NALF1: variants seen among roughly 807,000 people sequenced by gnomAD.
NALF1 encodes the protein family with sequence similarity 155 member A.
Under a neutral mutation model 48.4 loss-of-function variants are expected in NALF1, and 3 were observed. That is an observed-to-expected ratio of 0.06 (90% CI 0.03 to 0.16). NALF1 has a LOEUF of 0.16. NALF1 is among the 10% of genes least tolerant of loss of function. NALF1 has a pLI of 1.00. For synonymous variants in NALF1, 262 were observed against 245.7 expected, an observed-to-expected ratio of 1.07 and a Z score of -0.62; for missense variants, 526 against 571.5, an observed-to-expected ratio of 0.92 and a Z score of 0.81.
chr13:107,805,286 T>C (rs903014243), intron 1 of NALF1, among the ~76,000 whole-genome samples: 4 of 152,202 alleles, frequency 2.6e-5, no homozygotes, highest in Non-Finnish European at 4.4e-5. Flanking sequence ...ACAGATGATA[T>C]GCAGTCTCCT....
At chr13:107,701,010 A>G (rs2138511494) in intron 1 of NALF1, among the ~76,000 whole-genome samples, 1 of 152,326 alleles carries the variant, frequency 6.6e-6, no homozygotes, top group South Asian at 2.1e-4. Flanking sequence ...TACAGAGAAA[A>G]GAGAACCCCA....
At chr13:107,677,601 G>T (rs1295122817) in intron 1 of NALF1, among the ~76,000 whole-genome samples, 1 of 152,096 alleles carries the variant, frequency 6.6e-6, no homozygotes, top group African/African-American at 2.4e-5. Flanking sequence ...TCACATAATG[G>T]AATATCACAT....
chr13:107,360,616 G>A (rs1324745351), intron 1 of NALF1, among the ~76,000 whole-genome samples: 3 of 151,866 alleles, frequency 2.0e-5, no homozygotes, highest in African/African-American at 7.3e-5. Context: ...TCACATTCTG[G>A]ATTAGTTTGA....
chr13:107,517,006 GT>G (rs757328921), intron 1 of NALF1, among the ~76,000 whole-genome samples: 1 of 152,116 alleles, frequency 6.6e-6, no homozygotes, highest in Admixed American at 6.5e-5. Context: ...CCAGGCTATA[GT>G]TGGAAATGCA....
At chr13:107,395,241 T>C (rs1260580080) in intron 1 of NALF1, among the ~76,000 whole-genome samples, 2 of 152,162 alleles carry the variant, frequency 1.3e-5, no homozygotes, top group Admixed American at 6.6e-5. Context: ...TTGATCACAC[T>C]AAATGAATTG....
chr13:107,463,050 G>A (rs574735470), intron 1 of NALF1, among the ~76,000 whole-genome samples: 30 of 152,144 alleles, frequency 2.0e-4, no homozygotes, highest in Non-Finnish European at 1.8e-4. Flanking sequence ...AGATAGTTCC[G>A]ACGGATTGAG....
intron 1 of NALF1, among the ~76,000 whole-genome samples, chr13:107,619,588 C>T (rs1471688691): frequency 1.3e-5 from 2 of 152,130 alleles, no homozygotes; most frequent in African/African-American, 4.8e-5. Flanking sequence ...GTAAAATGTG[C>T]AATCTGTTGC....
At chr13:107,750,933 C>T (rs905312074) in intron 1 of NALF1, among the ~76,000 whole-genome samples, 3 of 152,166 alleles carry the variant, frequency 2.0e-5, no homozygotes, top group Non-Finnish European at 4.4e-5. Flanking sequence ...CACTTAAAGA[C>T]TCCATTCTGG....
chr13:107,563,069 C>A (rs569095063), intron 1 of NALF1, among the ~76,000 whole-genome samples: 1 of 152,096 alleles, frequency 6.6e-6, no homozygotes, highest in Non-Finnish European at 1.5e-5. Flanking sequence ...TGTTTATTCA[C>A]GTTAGATTAA....
chr13:107,839,675 C>T (rs1879993265), intron 1 of NALF1, among the ~76,000 whole-genome samples: 1 of 136,426 alleles, frequency 7.3e-6, no homozygotes, highest in Non-Finnish European at 1.6e-5. Flanking sequence ...AAATGTGGTC[C>T]TGCATAAGAA....
chr13:107,256,908 A>G (rs1299922466), intron 1 of NALF1, among the ~76,000 whole-genome samples: 2 of 152,166 alleles, frequency 1.3e-5, no homozygotes, highest in South Asian at 2.1e-4. Flanking sequence ...GGATGCATCT[A>G]AGTCTGTTGT....
intron 1 of NALF1, among the ~76,000 whole-genome samples, chr13:107,653,319 C>A (rs1022039400): frequency 1.3e-5 from 2 of 149,678 alleles, no homozygotes; most frequent in Admixed American, 1.3e-4. Context: ...TTGGGAGTTA[C>A]CCTACAGGGA....
At chr13:107,812,566 A>G (rs1879028831) in intron 1 of NALF1, among the ~76,000 whole-genome samples, 1 of 152,154 alleles carries the variant, frequency 6.6e-6, no homozygotes. Flanking sequence ...ACTTCTCTGT[A>G]TTGATGTACA....
At chr13:107,837,092 A>AT (rs1879915074) in intron 1 of NALF1, among the ~76,000 whole-genome samples, 1 of 152,222 alleles carries the variant, frequency 6.6e-6, no homozygotes, top group South Asian at 2.1e-4. Context: ...ATGCATGTTC[A>AT]TACGGGCATG....
intron 1 of NALF1, among the ~76,000 whole-genome samples, chr13:107,757,888 C>T (rs1877157142): frequency 6.6e-6 from 1 of 152,036 alleles, no homozygotes; most frequent in Non-Finnish European, 1.5e-5. Flanking sequence ...ATTACATCAT[C>T]CTTGATGGTT....
intron 1 of NALF1, among the ~76,000 whole-genome samples, chr13:107,759,205 C>T (rs1243049132): frequency 6.6e-6 from 1 of 152,094 alleles, no homozygotes; most frequent in East Asian, 1.9e-4. Context: ...TCTCTGATTT[C>T]TTTTGTTTTT....
At chr13:107,204,080 TC>T (rs1879582982) in intron 2 of NALF1, among the ~76,000 whole-genome samples, 1 of 133,638 alleles carries the variant, frequency 7.5e-6, no homozygotes, top group Non-Finnish European at 1.6e-5. Context: ...CTCTCCCTGC[TC>T]TCCAGGTGAG....
At chr13:107,736,219 ACACACG>A (rs369871123) in intron 1 of NALF1, among the ~76,000 whole-genome samples, 676 of 34,748 alleles carry the variant, frequency 0.019, 4 homozygotes, top group Middle Eastern at 0.083. Flanking sequence ...ACACACACAC[ACACACG>A]CGCGCGTGTA....
intron 1 of NALF1, among the ~76,000 whole-genome samples, chr13:107,363,722 A>G (rs1177032978): frequency 1.3e-5 from 2 of 152,246 alleles, no homozygotes; most frequent in African/African-American, 4.8e-5. Flanking sequence ...TTGTCTATTG[A>G]AGAACTGGCT....
Sources: allele counts gnomAD v4.1 joint callset (sites outside exome capture counted in the v4.1 genomes callset), GRCh38; gene constraint gnomAD v4.1.1; transcripts MANE v1.5; gene names NCBI Gene and HGNC (gene_info 2026-07-23, HGNC 2026-07-21).